Variants in FGF20 observed in about 807,000 individuals in gnomAD.
FGF20 encodes the protein fibroblast growth factor 20.
Under a neutral mutation model 16.7 loss-of-function variants are expected in FGF20, and 8 were observed. The observed-to-expected ratio is 0.48, with a 90% CI of 0.28 to 0.87. The LOEUF is 0.87. FGF20 is among the 40% of genes least tolerant of loss of function. The probability of loss-of-function intolerance (pLI) is 0.10; values close to 1 mark genes in which losing one functional copy is unlikely to be tolerated. For missense variants in FGF20, 397 were observed against 281.4 expected (o/e 1.41, Z -2.94); for synonymous variants, 161 against 118.6 (o/e 1.36, Z -2.32).
chr8:17,002,039 G>A lies in FGF20; in HGVS notation c.-7C>T. On this transcript the variant is annotated 5_prime_UTR_variant, in exon 1 of 3. Transcript: ENST00000180166. ...CTTCGGCTAAGGGAGCCATGGAGGG[G>A]GAGATCCGGAACACAAAAGACCCCC... The A allele has an allele frequency of 6.5e-7, 1 of 1,536,858 alleles. No individual in the cohort carries two copies. Among genetic ancestry groups the A allele is most frequent in the South Asian group, 1.2e-5 (1 of 82,810 alleles).
intron 1 of FGF20, among the ~76,000 whole-genome samples, chr8:16,999,686 T>C (rs1810137087): frequency 9.8e-6 from 1 of 102,112 alleles, no homozygotes; most frequent in Admixed American, 1.0e-4. Context: ...CACGCCCAGC[T>C]AATTTTTTTT....
In FGF20 at chr8:16,994,468, T is replaced by A. The variant is rs1036800989; in HGVS notation, c.391-1151A>T. Among the ~76,000 whole-genome samples the A allele has an allele frequency of 7.3e-4, 10 of 13,784 alleles. No individual in the cohort carries two copies. In the South Asian group the frequency reaches 0.083, roughly 115 times the overall value. The allele number at this position is 13,784 out of a possible 152,430, so 9.0% of individuals were successfully genotyped here. On this transcript the variant is annotated intron_variant, in intron 2 of 2. Coordinates refer to ENST00000180166, the MANE Select transcript of FGF20 (RefSeq NM_019851.3). Reference sequence around the variant, plus strand: ...AAATCCAAAATACACATGAAGATTGTGTGCATGTTTTTTCTATTGTAATTC... The same window carrying A: ...AAATCCAAAATACACATGAAGATTGAGTGCATGTTTTTTCTATTGTAATTC...
At chr8:17,001,612 C>T (rs560717376) in intron 1 of FGF20, 135 bp downstream of exon 1, 2 of 1,003,702 alleles carry the variant, frequency 2.0e-6, no homozygotes, top group East Asian at 3.3e-5. Context: ...CGTCTTGCAC[C>T]GGATGGGTCC....
intron 1 of FGF20, among the ~76,000 whole-genome samples, chr8:16,999,688 ATTT>A (rs59591258): frequency 1.5e-5 from 2 of 132,826 alleles, no homozygotes; most frequent in Non-Finnish European, 3.2e-5. Context: ...CGCCCAGCTA[ATTT>A]TTTTTTTTTT....
At position 17,002,330 on chromosome 8, in the gene FGF20, C is replaced by A; in HGVS notation, c.-298G>T. On this transcript the variant is annotated 5_prime_UTR_variant, in exon 1 of 3. Transcript: ENST00000180166. ...TTGGCTGGGGCTCCAATTCCGCAAACTGATCAGATCAGAGTCCTGTGTACA... is the reference window on the plus strand; with the variant it reads ...TTGGCTGGGGCTCCAATTCCGCAAAATGATCAGATCAGAGTCCTGTGTACA... 1 of 362,488 alleles carries A rather than the reference C, an allele frequency of 2.8e-6. No individual in the cohort carries two copies. The highest frequency in any genetic ancestry group is 4.9e-6 in the Non-Finnish European group (1 of 205,728). 22.5% of individuals were successfully genotyped at this position (362,488 alleles called of 1,614,324 possible).
intron 1 of FGF20, among the ~76,000 whole-genome samples, chr8:16,999,470 C>A (rs1810131714): frequency 6.6e-6 from 1 of 150,466 alleles, no homozygotes; most frequent in South Asian, 2.1e-4. Context: ...GTAAAAGAGG[C>A]CTTTTTTTTT....
chr8:16,995,137 G>C (rs904123068), intron 2 of FGF20, among the ~76,000 whole-genome samples: 1 of 152,172 alleles, frequency 6.6e-6, no homozygotes, highest in Non-Finnish European at 1.5e-5. Flanking sequence ...CATGGCTACT[G>C]AAATTTTCAA....
chr8:17,000,857 G>C (rs1452213320), intron 1 of FGF20, among the ~76,000 whole-genome samples: 1 of 151,904 alleles, frequency 6.6e-6, no homozygotes, highest in Non-Finnish European at 1.5e-5. Flanking sequence ...TCTCTTCCCA[G>C]GCACTGCCGG....
chr8:17,001,833 C>T lies in FGF20; in HGVS notation c.200G>A (p.Arg67Gln), dbSNP rs778448883. 21 of 1,527,984 alleles carry T rather than the reference C, an allele frequency of 1.4e-5. No individual in the cohort carries two copies. Among genetic ancestry groups the T allele is most frequent in the Admixed American group, 2.1e-5 (1 of 48,332 alleles). The allele number at this position is 1,527,984 out of a possible 1,614,324, so 94.7% of individuals were successfully genotyped here. ...LAHLHGILRR[R>Q]QLYCRTGFHL... ...GAAGCCGGTGCGGCAATAGAGCTGCCGGCGGCGCAGGATGCCGTGCAGGTG... is the reference window on the plus strand; with the variant it reads ...GAAGCCGGTGCGGCAATAGAGCTGCTGGCGGCGCAGGATGCCGTGCAGGTG... Residue 67 changes from arginine to glutamine, a missense_variant, in exon 1 of 3, where the codon CGG (arginine) becomes CAG (glutamine). Physicochemically the swap from Arg to Gln is conservative, Grantham distance 43. Coordinates refer to ENST00000180166, the MANE Select transcript of FGF20 (RefSeq NM_019851.3).
intron 1 of FGF20, among the ~76,000 whole-genome samples, chr8:16,998,583 A>C (rs1021694891): frequency 6.6e-6 from 1 of 152,172 alleles, no homozygotes; most frequent in East Asian, 1.9e-4. Flanking sequence ...CCAGTGTCCC[A>C]TAAAAAGACT....
At chr8:16,998,651 A>G (rs1273013322) in intron 1 of FGF20, among the ~76,000 whole-genome samples, 2 of 152,170 alleles carry the variant, frequency 1.3e-5, no homozygotes, top group African/African-American at 4.8e-5. Context: ...AATAATCATA[A>G]TAAACAGGTG....
At chr8:17,000,467 C>G (rs1412629761) in intron 1 of FGF20, among the ~76,000 whole-genome samples, 1 of 119,426 alleles carries the variant, frequency 8.4e-6, no homozygotes, top group Non-Finnish European at 2.0e-5. Flanking sequence ...GGTAAGGACA[C>G]GATAAGAGAG....
chr8:17,001,352 T>A (rs550443070), intron 1 of FGF20, among the ~76,000 whole-genome samples: 10 of 152,102 alleles, frequency 6.6e-5, no homozygotes, highest in Admixed American at 5.2e-4. Flanking sequence ...GAGAGAAACA[T>A]ACAGGGATTT....
chr8:16,993,697 T>C (rs886721424), intron 2 of FGF20, among the ~76,000 whole-genome samples: 6 of 152,170 alleles, frequency 3.9e-5, no homozygotes, highest in Non-Finnish European at 8.8e-5. Context: ...CAACTCATCA[T>C]AATATAGAAT....
At chr8:16,993,826 C>A (rs1229364187) in intron 2 of FGF20, among the ~76,000 whole-genome samples, 1 of 152,146 alleles carries the variant, frequency 6.6e-6, no homozygotes, top group Non-Finnish European at 1.5e-5. Context: ...CCAGATCCCT[C>A]GCATGCACAG....
chr8:17,000,858 G>T lies in FGF20; in HGVS notation c.286+889C>A, dbSNP rs141014601. Among the ~76,000 whole-genome samples, 1,107 of 151,936 alleles carry T rather than the reference G, an allele frequency of 7.3e-3. 9 individuals carry two copies. Among genetic ancestry groups the T allele is most frequent in the African/African-American group, 0.024 (1,012 of 41,406 alleles). On this transcript the variant is annotated intron_variant, in intron 1 of 2. Transcript: ENST00000180166. ...TTCTTTTAACCCCTTCTCTTCCCAG[G>T]CACTGCCGGAGGTATTCTGAAACAC...
In FGF20 at chr8:17,002,065, C is replaced by G. The variant is rs1384173883; in HGVS notation, c.-33G>C. 12 of 1,505,646 alleles carry G rather than the reference C, an allele frequency of 8.0e-6. No homozygotes were observed. The highest frequency in any genetic ancestry group is 8.0e-6 in the Non-Finnish European group (9 of 1,130,542). 93.3% of individuals were successfully genotyped at this position (1,505,646 alleles called of 1,614,324 possible). ...GAGATCCGGAACACAAAAGACCCCC[C>G]CAGTAAAGAGTGTTGTGGGGGTGGG... On this transcript the variant is annotated 5_prime_UTR_variant, in exon 1 of 3. Transcript: ENST00000180166.
chr8:16,994,302 A>C (rs1242681009), intron 2 of FGF20, among the ~76,000 whole-genome samples: 1 of 152,144 alleles, frequency 6.6e-6, no homozygotes, highest in Non-Finnish European at 1.5e-5. Context: ...CAAATCATAT[A>C]TCTTCTCTTT....
In FGF20 at chr8:17,002,106, G is replaced by C. The variant is rs1034608171; in HGVS notation, c.-74C>G. The stretch of plus-strand genomic sequence containing the variant: ...TGGGGGTGGGATGGAGGTGGATAGA[G>C]AAAAATTATAGCAAAACGAGCGCAA... On this transcript the variant is annotated 5_prime_UTR_variant, in exon 1 of 3. Coordinates refer to ENST00000180166, the MANE Select transcript of FGF20 (RefSeq NM_019851.3). 9.0e-5 allele frequency: 128 copies of C among 1,418,264 alleles called. No individual in the cohort carries two copies. The highest frequency in any genetic ancestry group is 1.8e-4 in the Middle Eastern group (1 of 5,460). The allele number at this position is 1,418,264 out of a possible 1,614,324, so 87.9% of individuals were successfully genotyped here. A position where few individuals can be genotyped will look rare whatever the true frequency, so the allele number is the denominator to read the frequency against.
Sources: allele counts gnomAD v4.1 joint callset (sites outside exome capture counted in the v4.1 genomes callset), GRCh38; gene constraint gnomAD v4.1.1; transcripts MANE v1.5; gene names NCBI Gene and HGNC (gene_info 2026-07-23, HGNC 2026-07-21).